The following SSBP2 variants were observed in gnomAD, a reference collection of about 807,000 sequenced individuals.
SSBP2 encodes single-stranded DNA-binding protein 2.
SSBP2 carries 17 observed loss-of-function variants against 61.8 expected under a neutral mutation model. The observed-to-expected ratio is 0.28, with a 90% confidence interval of 0.19 to 0.41. SSBP2 has a LOEUF of 0.41. SSBP2 is among the 10% of genes least tolerant of loss of function. SSBP2 has a pLI of 1.00. For missense variants in SSBP2, 310 were observed against 458.7 expected (o/e 0.68, Z 2.96); for synonymous variants, 139 against 141.3 (o/e 0.98, Z 0.12).
At chr5:81,513,482 G>C (rs1447214873) in intron 5 of SSBP2, 146 bp downstream of exon 5, 14 of 521,984 alleles carry the variant, frequency 2.7e-5, no homozygotes, top group Non-Finnish European at 4.8e-5. Context: ...GGATATAATA[G>C]ATAACCCATC....
intron 15 of SSBP2, among the ~76,000 whole-genome samples, chr5:81,430,744 G>A (rs1245784783): frequency 6.6e-6 from 1 of 152,118 alleles, no homozygotes; most frequent in African/African-American, 2.4e-5. Flanking sequence ...TATGTGTGGT[G>A]GGGACGGGTA....
chr5:81,506,952 T>C (rs1561481942), intron 5 of SSBP2, among the ~76,000 whole-genome samples: 1 of 152,154 alleles, frequency 6.6e-6, no homozygotes. Flanking sequence ...TTTGTCCTTG[T>C]TGCTTTATGA....
At chr5:81,667,126 A>G (rs1412046350) in intron 1 of SSBP2, among the ~76,000 whole-genome samples, 1 of 152,190 alleles carries the variant, frequency 6.6e-6, no homozygotes, top group Non-Finnish European at 1.5e-5. Context: ...GAGTCCTATC[A>G]TCATCCTAGC....
At chr5:81,482,118 T>C (rs1276373104) in intron 6 of SSBP2, among the ~76,000 whole-genome samples, 1 of 152,002 alleles carries the variant, frequency 6.6e-6, no homozygotes, top group Non-Finnish European at 1.5e-5. Context: ...ATTTTCTGTA[T>C]CTTTTGGTAG....
chr5:81,656,726 CA>C (rs201044035), intron 1 of SSBP2, among the ~76,000 whole-genome samples: 96 of 131,990 alleles, frequency 7.3e-4, no homozygotes, highest in East Asian at 1.4e-3. Context: ...TAAGTAACTC[CA>C]AAAAAAAAAA....
chr5:81,704,630 T>G (rs1754229774), intron 1 of SSBP2, among the ~76,000 whole-genome samples: 4 of 151,974 alleles, frequency 2.6e-5, no homozygotes, highest in Non-Finnish European at 5.9e-5. Flanking sequence ...ACCCCGTCTC[T>G]ACTAAAAATA....
At chr5:81,496,141 C>T (rs1767257416) in intron 5 of SSBP2, among the ~76,000 whole-genome samples, 1 of 152,086 alleles carries the variant, frequency 6.6e-6, no homozygotes. Flanking sequence ...TAAAATTATT[C>T]ATGTGAAAGT....
intron 4 of SSBP2, among the ~76,000 whole-genome samples, chr5:81,614,086 C>T (rs866955969): frequency 1.1e-4 from 16 of 152,300 alleles, no homozygotes; most frequent in African/African-American, 3.6e-4. Context: ...ACAGGCCGGG[C>T]GCGGTGGCTC....
rs1462380349 is a variant in SSBP2 at position 81,428,626 on chromosome 5, C to T, written c.1015G>A (p.Glu339Lys). 4 of 1,613,220 alleles carry T rather than the reference C, an allele frequency of 2.5e-6. No individual in the cohort carries two copies. Among genetic ancestry groups the T allele is most frequent in the African/African-American group, 1.3e-5 (1 of 74,892 alleles). The change falls in exon 16 of 17, where the codon GAA becomes AAA. Residue 339 changes from glutamate (E) to lysine (K), a missense_variant. Physicochemically the swap from Glu to Lys is moderately conservative, Grantham distance 56. This residue lies in a region of SSBP2 where 44 missense variants were observed against 86.2 expected (regional missense o/e 0.51). Coordinates refer to ENST00000320672, the MANE Select transcript of SSBP2 (RefSeq NM_012446.5). Reference sequence around the variant, plus strand: ...GGATTTAAGAAATTTCCCCCCATTTCGCCATCATCCCTTGGAGTGCCCGGT... The same window carrying T: ...GGATTTAAGAAATTTCCCCCCATTTTGCCATCATCCCTTGGAGTGCCCGGT...
chr5:81,555,081 T>G (rs1342020057), intron 4 of SSBP2, among the ~76,000 whole-genome samples: 6 of 152,142 alleles, frequency 3.9e-5, no homozygotes. Context: ...AATTTCTGAT[T>G]ATTTTTGACC....
chr5:81,674,744 T>G (rs1230251692), intron 1 of SSBP2, among the ~76,000 whole-genome samples: 1 of 151,306 alleles, frequency 6.6e-6, no homozygotes, highest in African/African-American at 2.5e-5. Flanking sequence ...AGGGATAAAT[T>G]ACACTAATAT....
intron 5 of SSBP2, among the ~76,000 whole-genome samples, chr5:81,513,228 A>C (rs1260838184): frequency 2.0e-5 from 3 of 152,242 alleles, no homozygotes; most frequent in Admixed American, 1.3e-4. Context: ...TAAATTAATA[A>C]ATTATAATTT....
intron 10 of SSBP2, among the ~76,000 whole-genome samples, chr5:81,458,507 T>C (rs987622470): frequency 1.3e-5 from 2 of 152,236 alleles, no homozygotes; most frequent in Non-Finnish European, 1.5e-5. Context: ...TTCTTTGTAG[T>C]ATTCTTGCAA....
intron 9 of SSBP2, among the ~76,000 whole-genome samples, chr5:81,462,496 A>G (rs1399145276): frequency 6.6e-6 from 1 of 152,186 alleles, no homozygotes; most frequent in African/African-American, 2.4e-5. Flanking sequence ...GGTATAGAAG[A>G]TACCAGTGGG....
intron 5 of SSBP2, among the ~76,000 whole-genome samples, chr5:81,512,332 G>C (rs905172735): frequency 1.3e-5 from 2 of 152,142 alleles, no homozygotes; most frequent in African/African-American, 4.8e-5. Context: ...TGTACAGTGG[G>C]AATGATAATA....
At chr5:81,645,797 G>GT (rs1261328190) in intron 2 of SSBP2, among the ~76,000 whole-genome samples, 2 of 151,426 alleles carry the variant, frequency 1.3e-5, no homozygotes, top group African/African-American at 4.9e-5. Flanking sequence ...CCCCTTGGGA[G>GT]TAAAAAAAAA....
Position 81,418,871 on chromosome 5 carries a change from T to G in SSBP2, c.*1633A>C, listed in dbSNP as rs542567732. ...ACTATATCCTGCCAAATTTTCACTTTAGAGACTATAAGCCTAAAGGAAAGA... is the reference window on the plus strand; with the variant it reads ...ACTATATCCTGCCAAATTTTCACTTGAGAGACTATAAGCCTAAAGGAAAGA... On this transcript the variant is annotated 3_prime_UTR_variant, in exon 17 of 17. Coordinates refer to ENST00000320672, the MANE Select transcript of SSBP2 (RefSeq NM_012446.5). 9.2e-5 allele frequency: 14 copies of G among 152,336 alleles called. No individual in the cohort carries two copies. The East Asian group carries it at 2.3e-3, about 25-fold the overall frequency. The allele number at this position is 152,336 out of a possible 1,614,324, so 9.4% of individuals were successfully genotyped here. A position where few individuals can be genotyped will look rare whatever the true frequency, so the allele number is the denominator to read the frequency against.
At chr5:81,602,969 T>C (rs1045392159) in intron 4 of SSBP2, among the ~76,000 whole-genome samples, 1 of 152,206 alleles carries the variant, frequency 6.6e-6, no homozygotes, top group East Asian at 1.9e-4. Context: ...CCAAGCTTCA[T>C]GAACAGTCTT....
chr5:81,653,451 G>T (rs898114133), intron 1 of SSBP2, among the ~76,000 whole-genome samples: 1 of 152,090 alleles, frequency 6.6e-6, no homozygotes, highest in South Asian at 2.1e-4. Context: ...ATAATCCTTT[G>T]GATATATACT....
Sources: allele counts gnomAD v4.1 joint callset (sites outside exome capture counted in the v4.1 genomes callset), GRCh38; gene constraint gnomAD v4.1.1; regional missense constraint gnomAD v4.1.1; transcripts MANE v1.5; gene names NCBI Gene and HGNC (gene_info 2026-07-23, HGNC 2026-07-21).